PCDH17: variants seen among roughly 807,000 people sequenced by gnomAD.
PCDH17 encodes protocadherin-17.
PCDH17 carries 21 observed loss-of-function variants against 67.7 expected under a neutral mutation model. The ratio of observed to expected loss-of-function variants is 0.31; its 90% CI spans 0.22 to 0.45. The LOEUF (loss-of-function observed/expected upper bound fraction) is 0.45, where lower values mean the gene tolerates loss of function less well. Among genes scored for constraint, PCDH17 ranks in the 20% least tolerant of loss-of-function variants. The pLI, the probability that PCDH17 is intolerant of heterozygous loss-of-function variation, is 1.00. For missense variants in PCDH17, 1,471 were observed against 1,564.8 expected (o/e 0.94, Z 1.01); for synonymous variants, 701 against 656.7 (o/e 1.07, Z -1.03).
intron 3 of PCDH17, among the ~76,000 whole-genome samples, chr13:57,704,942 G>T (rs1441476286): frequency 6.6e-6 from 1 of 151,804 alleles, no homozygotes; most frequent in Non-Finnish European, 1.5e-5. Context: ...ATGTATATAT[G>T]TATATTATGT....
At chr13:57,646,704 CAA>C (rs1250944973) in intron 1 of PCDH17, among the ~76,000 whole-genome samples, 3 of 151,634 alleles carry the variant, frequency 2.0e-5, no homozygotes, top group African/African-American at 4.8e-5. Context: ...CCTTCGTAGA[CAA>C]GAGGATTTTT....
intron 3 of PCDH17, among the ~76,000 whole-genome samples, chr13:57,703,100 T>C (rs1342458194): frequency 6.6e-6 from 1 of 152,194 alleles, no homozygotes; most frequent in Non-Finnish European, 1.5e-5. Flanking sequence ...TGTTCCCCAC[T>C]TTTTAATGAC....
At chr13:57,722,194 C>T (rs975628947) in intron 3 of PCDH17, among the ~76,000 whole-genome samples, 1 of 152,100 alleles carries the variant, frequency 6.6e-6, no homozygotes, top group African/African-American at 2.4e-5. Flanking sequence ...AATTCAAGGT[C>T]GATTTACACT....
At position 57,725,554 on chromosome 13, in the gene PCDH17, AAGAAAAAGGAG is replaced by A. The variant is rs1373302011; in HGVS notation, c.*264_*274del. On this transcript the variant is annotated 3_prime_UTR_variant, in exon 4 of 4. Coordinates refer to ENST00000377918, the MANE Select transcript of PCDH17 (RefSeq NM_001040429.3). ...TTAAAGAGAAAAGAAAAAAAGAGAGAAGAAAAAGGAGAGATGAAAAAGGAGGATGAGGAGAA... is the reference window on the plus strand; with the variant it reads ...TTAAAGAGAAAAGAAAAAAAGAGAGAAGATGAAAAAGGAGGATGAGGAGAA... 17 of 379,966 alleles carry A rather than the reference AAGAAAAAGGAG, an allele frequency of 4.5e-5. No individual in the cohort carries two copies. Among genetic ancestry groups the A allele is most frequent in the Middle Eastern group, 7.3e-4 (1 of 1,378 alleles). The allele number at this position is 379,966 out of a possible 1,614,324, so 23.5% of individuals were successfully genotyped here.
rs1431399658 is a variant in PCDH17 at position 57,712,383 on chromosome 13, A to G, written c.2798-12229A>G. ...ACATTCTCTGATTGACTTATGAATT[A>G]TATTTCTAAAGGAATTTTAGGGTCC... is the stretch of plus-strand genomic sequence containing the variant. On this transcript the variant is annotated intron_variant, in intron 3 of 3. Transcript: ENST00000377918. Among the ~76,000 whole-genome samples, 5 of 151,870 alleles carry G rather than the reference A, an allele frequency of 3.3e-5. No homozygotes were observed. In the East Asian group the frequency reaches 7.7e-4, roughly 24 times the overall value.
chr13:57,669,745 G>A (rs896033742), intron 3 of PCDH17, among the ~76,000 whole-genome samples: 3 of 152,034 alleles, frequency 2.0e-5, no homozygotes, highest in East Asian at 3.9e-4. Flanking sequence ...TTAATCCTAG[G>A]TCTGGATATG....
intron 1 of PCDH17, among the ~76,000 whole-genome samples, chr13:57,647,684 T>A (rs897237335): frequency 4.0e-5 from 6 of 151,848 alleles, no homozygotes; most frequent in African/African-American, 1.4e-4. Flanking sequence ...CTTCTTCAAT[T>A]TCCTTTAATT....
intron 3 of PCDH17, among the ~76,000 whole-genome samples, chr13:57,667,338 G>A (rs1955266789): frequency 6.6e-6 from 1 of 151,934 alleles, no homozygotes; most frequent in African/African-American, 2.4e-5. Flanking sequence ...GCTTTCTTTT[G>A]ATTTACATCT....
chr13:57,638,440 T>A (rs766331444), intron 1 of PCDH17, among the ~76,000 whole-genome samples: 10 of 152,072 alleles, frequency 6.6e-5, no homozygotes, highest in Non-Finnish European at 1.3e-4. Context: ...TGTTTGAACA[T>A]CTGTGTTTTC....
At chr13:57,682,979 A>G (rs554143028) in intron 3 of PCDH17, among the ~76,000 whole-genome samples, 1 of 152,044 alleles carries the variant, frequency 6.6e-6, no homozygotes, top group Non-Finnish European at 1.5e-5. Context: ...AAAAATTTCA[A>G]CAGTTTCATA....
intron 3 of PCDH17, among the ~76,000 whole-genome samples, chr13:57,700,030 A>C (rs1011388697): frequency 1.3e-5 from 2 of 152,092 alleles, no homozygotes. Flanking sequence ...CATAATTATT[A>C]ATAGCAGTTC....
At chr13:57,674,791 A>C (rs1158027832) in intron 3 of PCDH17, among the ~76,000 whole-genome samples, 1 of 151,982 alleles carries the variant, frequency 6.6e-6, no homozygotes, top group African/African-American at 2.4e-5. Flanking sequence ...AACATTCCCC[A>C]GAAATTTTCT....
intron 1 of PCDH17, among the ~76,000 whole-genome samples, chr13:57,655,458 T>C (rs375160135): frequency 7.9e-5 from 12 of 152,106 alleles, no homozygotes; most frequent in African/African-American, 2.9e-4. Context: ...GTTATATGTT[T>C]GGATCACCTT....
At position 57,728,653 on chromosome 13, in the gene PCDH17, T is replaced by C. The variant is rs1190867321; in HGVS notation, c.*3359T>C. 1.3e-5 allele frequency: 2 copies of C among 152,040 alleles called. No individual in the cohort carries two copies. The highest frequency in any genetic ancestry group is 2.9e-5 in the Non-Finnish European group (2 of 67,948). 9.4% of individuals were successfully genotyped at this position (152,040 alleles called of 1,614,324 possible). Reference sequence around the variant, plus strand: ...CATGCAATTTCAAAGAATTCTTTCATGCTATTTCTTAACCTGACATTTCTA... The same window carrying C: ...CATGCAATTTCAAAGAATTCTTTCACGCTATTTCTTAACCTGACATTTCTA... On this transcript the variant is annotated 3_prime_UTR_variant, in exon 4 of 4. Transcript: ENST00000377918.
At chr13:57,683,294 A>C (rs1303872345) in intron 3 of PCDH17, among the ~76,000 whole-genome samples, 1 of 151,878 alleles carries the variant, frequency 6.6e-6, no homozygotes, top group Non-Finnish European at 1.5e-5. Flanking sequence ...AAGAACTTCC[A>C]TCAGGTTTTA....
At chr13:57,697,047 C>T (rs1017868119) in intron 3 of PCDH17, among the ~76,000 whole-genome samples, 1 of 151,518 alleles carries the variant, frequency 6.6e-6, no homozygotes, top group Non-Finnish European at 1.5e-5. Flanking sequence ...CAAGTGGGAT[C>T]ATTTGCTTTT....
chr13:57,696,999 T>A (rs1009629980), intron 3 of PCDH17, among the ~76,000 whole-genome samples: 1 of 151,644 alleles, frequency 6.6e-6, no homozygotes, highest in African/African-American at 2.4e-5. Flanking sequence ...TTTGTATTTT[T>A]AAGTAGGCTT....
At chr13:57,697,383 C>A (rs1159659053) in intron 3 of PCDH17, among the ~76,000 whole-genome samples, 1 of 151,464 alleles carries the variant, frequency 6.6e-6, no homozygotes, top group Non-Finnish European at 1.5e-5. Flanking sequence ...TTAAGTTATC[C>A]TTTTAGATTT....
chr13:57,668,005 C>T (rs938925809), intron 3 of PCDH17, among the ~76,000 whole-genome samples: 1 of 151,106 alleles, frequency 6.6e-6, no homozygotes, highest in African/African-American at 2.4e-5. Flanking sequence ...AAGCTGTTTT[C>T]TAAGTAGTAA....
Sources: allele counts gnomAD v4.1 joint callset (sites outside exome capture counted in the v4.1 genomes callset), GRCh38; gene constraint gnomAD v4.1.1; transcripts MANE v1.5; gene names NCBI Gene and HGNC (gene_info 2026-07-23, HGNC 2026-07-21).